Variants in PCSK5 observed in about 807,000 individuals in gnomAD.
PCSK5 encodes prohormone convertase 5.
In PCSK5, 129 loss-of-function variants were observed where a neutral mutation model predicts 233.2. That is an observed-to-expected ratio of 0.55 (90% CI 0.48 to 0.64). The LOEUF (loss-of-function observed/expected upper bound fraction) is 0.64, where lower values mean the gene tolerates loss of function less well. Ranked by LOEUF, PCSK5 falls within the 30% of genes least tolerant of loss-of-function variation. The probability of loss-of-function intolerance (pLI) is 0.00; values close to 1 mark genes in which losing one functional copy is unlikely to be tolerated. For missense variants in PCSK5, 2,076 were observed against 2,430.1 expected (o/e 0.85, Z 3.06); for synonymous variants, 825 against 879.2 (o/e 0.94, Z 1.09).
chr9:76,097,697 G>A (rs902622217), intron 8 of PCSK5, among the ~76,000 whole-genome samples: 1 of 152,212 alleles, frequency 6.6e-6, no homozygotes, highest in African/African-American at 2.4e-5. Context: ...AGGACACTTA[G>A]TAGCACATAG....
In PCSK5 at chr9:76,354,253, G is replaced by T. The variant is rs1363493650; in HGVS notation, c.5254+34G>T. ...AGAGCAAGAGCAGCCTGCAGAGGAAGGGCATGTCCTCAAGAAGCCAATGGG... is the reference window on the plus strand; with the variant it reads ...AGAGCAAGAGCAGCCTGCAGAGGAATGGCATGTCCTCAAGAAGCCAATGGG... On this transcript the variant is annotated intron_variant, in intron 37 of 37. Transcript: ENST00000674117. 5 of 1,510,460 alleles carry T rather than the reference G, an allele frequency of 3.3e-6. No homozygotes were observed. The East Asian group carries it at 1.2e-4, about 37-fold the overall frequency. The allele number at this position is 1,510,460 out of a possible 1,614,324, so 93.6% of individuals were successfully genotyped here.
At chr9:75,970,673 G>A (rs983439869) in intron 2 of PCSK5, among the ~76,000 whole-genome samples, 1 of 151,932 alleles carries the variant, frequency 6.6e-6, no homozygotes, top group Non-Finnish European at 1.5e-5. Context: ...CCAGACTGGA[G>A]TGCAGTGACA....
intron 24 of PCSK5, among the ~76,000 whole-genome samples, chr9:76,251,467 G>A (rs1365599852): frequency 6.6e-6 from 1 of 150,740 alleles, no homozygotes; most frequent in Admixed American, 6.6e-5. Context: ...TGGAGGCTGA[G>A]ACGGAGAATT....
At chr9:76,272,773 C>CAAAAAAAAAAAAAA (rs71372058) in intron 24 of PCSK5, among the ~76,000 whole-genome samples, 2 of 49,978 alleles carry the variant, frequency 4.0e-5, no homozygotes, top group Non-Finnish European at 7.5e-5. Flanking sequence ...GACTCCATCT[C>CAAAAAAAAAAAAAA]AAAAAAAAAA....
chr9:76,239,263 T>A (rs1564128687), intron 23 of PCSK5, 98 bp downstream of exon 23: 3 of 966,980 alleles, frequency 3.1e-6, no homozygotes, highest in South Asian at 1.5e-5. Context: ...CTGGCTTGCA[T>A]GTCAGCACTT....
intron 27 of PCSK5, among the ~76,000 whole-genome samples, chr9:76,298,065 A>C (rs1269241847): frequency 6.6e-6 from 1 of 152,202 alleles, no homozygotes; most frequent in East Asian, 1.9e-4. Flanking sequence ...GCATTCAGGC[A>C]TTTAAGAGGC....
chr9:76,328,044 G>C lies in PCSK5; in HGVS notation c.4375G>C (p.Gly1459Arg). Residue 1459 changes from glycine to arginine, a missense_variant, in exon 33 of 38, where the codon GGG becomes CGG. Gly to Arg is a moderately radical substitution (Grantham distance 125). Around this residue, in one of 6 missense-constraint regions of PCSK5, gnomAD observed 1,510 missense variants for 1,538.1 expected, o/e 0.98. Transcript: ENST00000674117. Reference protein sequence around the residue: ...HKSCLTCSSSGTCTTCQKGLI... With the variant: ...HKSCLTCSSSRTCTTCQKGLI... Reference sequence around the variant, plus strand: ...GTCCTGCTTGACCTGCTCATCATCTGGGACCTGCACCACCTGTCAGAAAGG... The same window carrying C: ...GTCCTGCTTGACCTGCTCATCATCTCGGACCTGCACCACCTGTCAGAAAGG... The C allele has an allele frequency of 6.2e-7, 1 of 1,612,732 alleles. No homozygotes were observed.
intron 10 of PCSK5, among the ~76,000 whole-genome samples, chr9:76,154,503 G>A (rs576395859): frequency 1.3e-5 from 2 of 152,206 alleles, no homozygotes; most frequent in Admixed American, 1.3e-4. Flanking sequence ...GGTGGGGCAC[G>A]TACCTGGTAT....
At chr9:76,079,577 A>G (rs958506322) in intron 7 of PCSK5, among the ~76,000 whole-genome samples, 4 of 152,214 alleles carry the variant, frequency 2.6e-5, no homozygotes, top group Non-Finnish European at 5.9e-5. Context: ...TGGAGTCTTC[A>G]GGGTTTTCCA....
intron 21 of PCSK5, among the ~76,000 whole-genome samples, chr9:76,229,145 A>G (rs1385088583): frequency 6.6e-6 from 1 of 152,236 alleles, no homozygotes; most frequent in Non-Finnish European, 1.5e-5. Context: ...TAAAATAACT[A>G]TGCCTCTAAA....
chr9:75,922,526 A>G lies in PCSK5; in HGVS notation c.193-9853A>G, dbSNP rs368116438. Among the ~76,000 whole-genome samples the G allele has an allele frequency of 7.2e-5, 11 of 152,270 alleles. No individual in the cohort carries two copies. The East Asian group carries it at 7.7e-4, about 11-fold the overall frequency. On this transcript the variant is annotated intron_variant, in intron 1 of 37. Transcript: ENST00000674117. ...CAGAAACAGGGAAGACCCAGTAGGGATGTGTTGGCTGTCTGCCATGTAGAA... is the reference window on the plus strand; with the variant it reads ...CAGAAACAGGGAAGACCCAGTAGGGGTGTGTTGGCTGTCTGCCATGTAGAA...
At chr9:76,257,103 A>G (rs1397473132) in intron 24 of PCSK5, among the ~76,000 whole-genome samples, 1 of 152,164 alleles carries the variant, frequency 6.6e-6, no homozygotes, top group Non-Finnish European at 1.5e-5. Context: ...CTGAAGCCAC[A>G]TGTCTGACAT....
chr9:76,036,508 A>G (rs1256467808), intron 5 of PCSK5, among the ~76,000 whole-genome samples: 1 of 152,204 alleles, frequency 6.6e-6, no homozygotes, highest in Non-Finnish European at 1.5e-5. Context: ...ACGTTGGAGA[A>G]GCATTCTTCT....
At chr9:76,294,872 G>T (rs900234012) in intron 25 of PCSK5, among the ~76,000 whole-genome samples, 2 of 152,128 alleles carry the variant, frequency 1.3e-5, no homozygotes, top group African/African-American at 4.8e-5. Flanking sequence ...TGCTGCACAG[G>T]CTGGGCGTGG....
intron 3 of PCSK5, among the ~76,000 whole-genome samples, chr9:75,998,768 A>C (rs1039102235): frequency 6.6e-5 from 10 of 152,306 alleles, no homozygotes; most frequent in African/African-American, 1.7e-4. Context: ...AATAATTACC[A>C]ACTCAAGGCC....
intron 36 of PCSK5, among the ~76,000 whole-genome samples, chr9:76,351,788 A>C (rs1830174814): frequency 6.7e-6 from 1 of 150,272 alleles, no homozygotes; most frequent in Non-Finnish European, 1.5e-5. Flanking sequence ...CCCAGGCTGG[A>C]GTGCAGTGGC....
In PCSK5 at chr9:76,107,363, T is replaced by C; in HGVS notation, c.1208+12T>C. ...GCCCTGGAAGCCAAGTAAGCCTTGA[T>C]CTCTATATGTCTTCAATGGTGACAA... On this transcript the variant is annotated intron_variant, in intron 9 of 37. Coordinates refer to ENST00000674117, the MANE Select transcript of PCSK5 (RefSeq NM_001372043.1). 1 of 1,564,466 alleles carries C rather than the reference T, an allele frequency of 6.4e-7. No individual in the cohort carries two copies. The highest frequency in any genetic ancestry group is 1.1e-5 in the South Asian group (1 of 89,906).
intron 3 of PCSK5, among the ~76,000 whole-genome samples, chr9:75,989,816 A>G (rs1233608541): frequency 2.0e-5 from 3 of 152,018 alleles, no homozygotes; most frequent in Non-Finnish European, 4.4e-5. Flanking sequence ...ACAGACCCTT[A>G]TTTCTGTAGT....
At chr9:75,968,352 C>T (rs11144701) in intron 2 of PCSK5, among the ~76,000 whole-genome samples, 106,203 of 152,128 alleles carry the variant, frequency 0.7, 37,553 homozygotes, top group East Asian at 0.8. Context: ...ATCGCTCGCG[C>T]GTTAACAGGT....
Sources: allele counts gnomAD v4.1 joint callset (sites outside exome capture counted in the v4.1 genomes callset), GRCh38; gene constraint gnomAD v4.1.1; regional missense constraint gnomAD v4.1.1; transcripts MANE v1.5; gene names NCBI Gene and HGNC (gene_info 2026-07-23, HGNC 2026-07-21).